Variants in BUB1B observed in about 807,000 individuals in gnomAD.
BUB1B encodes the protein BUB1 mitotic checkpoint serine/threonine kinase B, also known as mitotic checkpoint serine/threonine-protein kinase BUB1 beta.
In BUB1B, 86 loss-of-function variants were observed where a neutral mutation model predicts 137.7. The observed-to-expected ratio is 0.62, with a 90% CI of 0.52 to 0.75. The LOEUF is 0.75. Ranked by LOEUF, BUB1B falls within the 30% of genes least tolerant of loss-of-function variation. The pLI, the probability that BUB1B is intolerant of heterozygous loss-of-function variation, is 0.00. For missense variants in BUB1B, 1,130 were observed against 1,236.9 expected, an observed-to-expected ratio of 0.91 and a Z score of 1.30; for synonymous variants, 420 against 417.9, an observed-to-expected ratio of 1.00 and a Z score of -0.06.
Position 40,185,378 on chromosome 15 carries a change from G to T in BUB1B, c.965G>T (p.Arg322Met). The T allele has an allele frequency of 6.2e-7, 1 of 1,614,042 alleles. No individual in the cohort carries two copies. Among genetic ancestry groups the T allele is most frequent in the African/African-American group, 1.3e-5 (1 of 75,048 alleles). The change falls in exon 7 of 23, where the codon AGG (arginine) becomes ATG (methionine). Residue 322 changes from arginine to methionine, a missense_variant and splice_region_variant. Physicochemically the swap from Arg to Met is moderately conservative, Grantham distance 91. Transcript: ENST00000287598. ...PWNTGRSLEH[R>M]PRGNTASLIA... ...AACACAGGCAGGTCCTTGGAACACA[G>T]GGTAAGGACTCTTAGATCCAGTGCT...
chr15:40,186,688 GC>G (rs1172780393), intron 8 of BUB1B, among the ~76,000 whole-genome samples: 3 of 150,472 alleles, frequency 2.0e-5, no homozygotes, highest in African/African-American at 7.3e-5. Context: ...CTAGTGATCC[GC>G]CCGCCTTGGC....
rs1447763009 is a variant in BUB1B, at chr15:40,207,044, A to C, written c.2009+586A>C. 2.6e-5 allele frequency among the ~76,000 whole-genome samples: 4 copies of C among 152,294 alleles called. No homozygotes were observed. In the East Asian group the frequency reaches 7.7e-4, roughly 29 times the overall value. The stretch of plus-strand genomic sequence containing the variant: ...AGGCTGGTCTCAAACTCCTGACCTC[A>C]GGTGATCCACCCGCCTCGGCCTCTC... On this transcript the variant is annotated intron_variant, in intron 15 of 22. Transcript: ENST00000287598.
intron 9 of BUB1B, among the ~76,000 whole-genome samples, chr15:40,198,761 A>C (rs866453313): frequency 6.6e-6 from 1 of 152,174 alleles, no homozygotes; most frequent in South Asian, 2.1e-4. Context: ...ACTAATAAGC[A>C]CATGGCTTAC....
rs148159407 is a variant in BUB1B, at chr15:40,185,218, A to G, written c.805A>G (p.Asn269Asp). 1.9e-4 allele frequency: 302 copies of G among 1,614,178 alleles called. 1 individual carries two copies. Among genetic ancestry groups the G allele is most frequent in the Middle Eastern group, 1.8e-3 (11 of 6,062 alleles). ...QNPFPQQMQNNSRITVFDENA... is the reference protein window; with the variant it reads ...QNPFPQQMQNDSRITVFDENA... ...TCCATTTCCTCAACAGATGCAAAAT[A>G]ATAGTAGAATTACTGTTTTTGATGA... Residue 269 changes from asparagine (N) to aspartate (D), a missense_variant, in exon 7 of 23, where the codon AAT becomes GAT. Asn to Asp is a conservative substitution (Grantham distance 23). Coordinates refer to ENST00000287598, the MANE Select transcript of BUB1B (RefSeq NM_001211.6).
intron 20 of BUB1B, among the ~76,000 whole-genome samples, chr15:40,216,913 A>G (rs2037801027): frequency 6.6e-6 from 1 of 152,164 alleles, no homozygotes; most frequent in South Asian, 2.1e-4. Flanking sequence ...AATTAGTATT[A>G]TAAAGATTTT....
intron 1 of BUB1B, among the ~76,000 whole-genome samples, 159 bp from the exon 2 acceptor site, chr15:40,164,894 A>C (rs1485353083): frequency 6.6e-6 from 1 of 152,096 alleles, no homozygotes; most frequent in African/African-American, 2.4e-5. Context: ...AACAGCTAAC[A>C]AAGAAGCTTA....
chr15:40,204,180 C>G (rs1331813360), intron 14 of BUB1B, among the ~76,000 whole-genome samples: 1 of 152,146 alleles, frequency 6.6e-6, no homozygotes, highest in African/African-American at 2.4e-5. Context: ...CCCATTCCAT[C>G]TAGGTGCCAT....
At chr15:40,215,408 G>A (rs775891304) in intron 20 of BUB1B, among the ~76,000 whole-genome samples, 102 of 151,906 alleles carry the variant, frequency 6.7e-4, no homozygotes, top group Admixed American at 9.8e-4. Context: ...GGAGGCAGAG[G>A]TTGTGGTGAA....
At chr15:40,163,823 T>G (rs1417694316) in intron 1 of BUB1B, among the ~76,000 whole-genome samples, 2 of 152,214 alleles carry the variant, frequency 1.3e-5, no homozygotes, top group Non-Finnish European at 2.9e-5. Context: ...TAAAATTGGT[T>G]TTGTTACATG....
intron 8 of BUB1B, among the ~76,000 whole-genome samples, chr15:40,188,342 C>T (rs1229892885): frequency 6.6e-6 from 1 of 152,034 alleles, no homozygotes; most frequent in Admixed American, 6.6e-5. Context: ...CATGCCCGAC[C>T]TAAACTTATT....
In BUB1B at chr15:40,164,977, G is replaced by A. The variant is rs536842261; in HGVS notation, c.36-76G>A. On this transcript the variant is annotated intron_variant, in intron 1 of 22. Transcript: ENST00000287598. ...CCAAGACCATGAATAATCACCTTTC[G>A]GAAGACATTTACAATAATCTAGTGC... 6.3e-5 allele frequency: 99 copies of A among 1,576,888 alleles called. No homozygotes were observed. The African/African-American group carries it at 7.4e-4, about 12-fold the overall frequency.
chr15:40,202,552 T>G (rs376464582), intron 13 of BUB1B, 37 bp from the exon 14 acceptor site: 44 of 1,603,676 alleles, frequency 2.7e-5, no homozygotes, highest in Non-Finnish European at 2.1e-5. Flanking sequence ...GTTACTGTTA[T>G]GAAAAAAATT....
At chr15:40,187,750 A>G (rs2037385498) in intron 8 of BUB1B, among the ~76,000 whole-genome samples, 1 of 151,834 alleles carries the variant, frequency 6.6e-6, no homozygotes, top group Non-Finnish European at 1.5e-5. Context: ...CTCCACAAAA[A>G]ATTTAAAAAT....
intron 21 of BUB1B, 112 bp from the exon 22 acceptor site, chr15:40,218,344 C>G (rs1595539925): frequency 2.5e-6 from 2 of 787,212 alleles, no homozygotes; most frequent in East Asian, 5.3e-5. Flanking sequence ...AAATGTATGT[C>G]ATAAAATAAA....
At chr15:40,184,250 A>T (rs2037332462) in intron 6 of BUB1B, among the ~76,000 whole-genome samples, 1 of 152,180 alleles carries the variant, frequency 6.6e-6, no homozygotes, top group African/African-American at 2.4e-5. Context: ...GCCCTTTGGG[A>T]CCAGAAATTA....
At chr15:40,200,426 T>G in intron 11 of BUB1B, 67 bp downstream of exon 11, 36 of 1,194,834 alleles carry the variant, frequency 3.0e-5, no homozygotes, top group Non-Finnish European at 4.1e-5. Flanking sequence ...TTTGACTCTC[T>G]AGTGCCTTGA....
intron 9 of BUB1B, among the ~76,000 whole-genome samples, 163 bp downstream of exon 9, chr15:40,196,937 C>T (rs896917054): frequency 6.6e-6 from 1 of 152,162 alleles, no homozygotes; most frequent in Non-Finnish European, 1.5e-5. Context: ...CCCACTGCTG[C>T]CTTCTATGGT....
At chr15:40,210,264 C>G in intron 18 of BUB1B, 54 bp downstream of exon 18, 1 of 1,281,846 alleles carries the variant, frequency 7.8e-7, no homozygotes, top group Non-Finnish European at 1.1e-6. Flanking sequence ...CGGATTGGAG[C>G]AATAACTGTC....
intron 3 of BUB1B, 46 bp downstream of exon 3, chr15:40,170,167 A>T (rs377039578): frequency 3.0e-5 from 46 of 1,544,402 alleles, no homozygotes; most frequent in South Asian, 6.7e-5. Flanking sequence ...TTAACAGATA[A>T]GTCCTTATGG....
Sources: allele counts gnomAD v4.1 joint callset (sites outside exome capture counted in the v4.1 genomes callset), GRCh38; gene constraint gnomAD v4.1.1; transcripts MANE v1.5; gene names NCBI Gene and HGNC (gene_info 2026-07-23, HGNC 2026-07-21).